Variants in TNNI3K observed in about 807,000 individuals in gnomAD.
TNNI3K encodes the protein TNNI3 interacting kinase, also known as serine/threonine-protein kinase TNNI3K.
Under a neutral mutation model 114.5 loss-of-function variants are expected in TNNI3K, and 140 were observed. The observed-to-expected ratio is 1.22, with a 90% CI of 1.07 to 1.41. The LOEUF (loss-of-function observed/expected upper bound fraction) is 1.41. TNNI3K is among the 40% of genes most tolerant of loss of function. The pLI is 0.00. For missense variants in TNNI3K, 1,125 were observed against 1,007.6 expected (o/e 1.12, Z -1.58); for synonymous variants, 347 against 347.5 (o/e 1.00, Z 0.02).
chr1:74,312,566 AATAAAC>A (rs1250312362), intron 5 of TNNI3K, among the ~76,000 whole-genome samples: 49 of 152,358 alleles, frequency 3.2e-4, no homozygotes, highest in African/African-American at 1.1e-3. Flanking sequence ...TTTTAATCAA[AATAAAC>A]ACAAAGCCGA....
chr1:74,423,808 T>G (rs1665506347), intron 17 of TNNI3K, among the ~76,000 whole-genome samples: 1 of 152,140 alleles, frequency 6.6e-6, no homozygotes. Context: ...ATATGTAAAA[T>G]TGCATAATAA....
intron 9 of TNNI3K, 39 bp from the exon 10 acceptor site, chr1:74,353,227 G>C (rs1212491439): frequency 2.5e-6 from 4 of 1,598,096 alleles, no homozygotes; most frequent in Non-Finnish European, 3.4e-6. Flanking sequence ...TCATAACAAG[G>C]ACCTTCTATC....
intron 21 of TNNI3K, among the ~76,000 whole-genome samples, chr1:74,464,287 T>G (rs918725868): frequency 6.6e-6 from 1 of 152,192 alleles, no homozygotes; most frequent in Non-Finnish European, 1.5e-5. Flanking sequence ...CAGTCCAGTG[T>G]CTAGTAATCC....
intron 7 of TNNI3K, among the ~76,000 whole-genome samples, chr1:74,338,491 C>T (rs1660592761): frequency 1.3e-5 from 2 of 151,748 alleles, no homozygotes; most frequent in Non-Finnish European, 2.9e-5. Flanking sequence ...TCAGGCATAT[C>T]CAACATTCTT....
At chr1:74,243,860 A>G (rs1338756189) in intron 2 of TNNI3K, among the ~76,000 whole-genome samples, 1 of 152,072 alleles carries the variant, frequency 6.6e-6, no homozygotes, top group African/African-American at 2.4e-5. Context: ...ACTCTTTAGG[A>G]TATGTTAAGT....
chr1:74,324,420 G>A (rs1659789454), intron 5 of TNNI3K, among the ~76,000 whole-genome samples: 1 of 152,186 alleles, frequency 6.6e-6, no homozygotes, highest in Non-Finnish European at 1.5e-5. Flanking sequence ...TTACAAATAT[G>A]CTGCCAATAT....
At chr1:74,256,795 A>G (rs961909761) in intron 4 of TNNI3K, among the ~76,000 whole-genome samples, 1 of 152,128 alleles carries the variant, frequency 6.6e-6, no homozygotes, top group African/African-American at 2.4e-5. Context: ...TTGCATCTAT[A>G]CATGATAAGA....
intron 17 of TNNI3K, among the ~76,000 whole-genome samples, chr1:74,402,954 T>C (rs1664444577): frequency 6.6e-6 from 1 of 152,206 alleles, no homozygotes; most frequent in African/African-American, 2.4e-5. Flanking sequence ...CAATGGAATT[T>C]TAACAACTCT....
rs116669742 is a variant in TNNI3K, at chr1:74,295,212, A to G, written c.444+23504A>G. Among the ~76,000 whole-genome samples, 198 of 152,126 alleles carry G rather than the reference A, an allele frequency of 1.3e-3. 6 individuals are homozygous for G. Among genetic ancestry groups the G allele is most frequent in the Non-Finnish European group, 1.4e-3 (92 of 67,962 alleles). Reference sequence around the variant, plus strand: ...CTTTGATTTGCAGTATAATTGCATTATGCTCAGAAATTATAGTTTGTATTA... The same window carrying G: ...CTTTGATTTGCAGTATAATTGCATTGTGCTCAGAAATTATAGTTTGTATTA... On this transcript the variant is annotated intron_variant, in intron 5 of 24. Coordinates refer to ENST00000326637, the MANE Select transcript of TNNI3K (RefSeq NM_015978.3).
chr1:74,377,285 T>A (rs1480313427), intron 17 of TNNI3K: 2 of 152,038 alleles, frequency 1.3e-5, no homozygotes, highest in Non-Finnish European at 2.9e-5. Flanking sequence ...TTCGTACATT[T>A]GTGTATCGAC....
intron 7 of TNNI3K, among the ~76,000 whole-genome samples, chr1:74,336,706 T>A (rs999854938): frequency 4.0e-5 from 6 of 151,466 alleles, no homozygotes; most frequent in African/African-American, 1.5e-4. Context: ...CTGCATAGTA[T>A]TCCATGGTGT....
chr1:74,488,936 C>T (rs185390245), intron 21 of TNNI3K, among the ~76,000 whole-genome samples: 17 of 152,286 alleles, frequency 1.1e-4, no homozygotes, highest in African/African-American at 3.8e-4. Context: ...CTAATTAAAG[C>T]TTTTCCACTA....
At chr1:74,416,452 A>T (rs1236134612) in intron 17 of TNNI3K, 3 of 963,806 alleles carry the variant, frequency 3.1e-6, no homozygotes, top group African/African-American at 1.8e-5. Context: ...GGTGCCTAGA[A>T]GTTATTGGAG....
intron 23 of TNNI3K, among the ~76,000 whole-genome samples, chr1:74,521,127 C>T (rs986879659): frequency 3.3e-5 from 5 of 152,152 alleles, no homozygotes; most frequent in African/African-American, 1.2e-4. Flanking sequence ...CTCTCCATCA[C>T]CACAGAAGTT....
chr1:74,243,165 G>T (rs1327455588), intron 2 of TNNI3K, among the ~76,000 whole-genome samples: 1 of 152,036 alleles, frequency 6.6e-6, no homozygotes, highest in Non-Finnish European at 1.5e-5. Context: ...TATCATATCT[G>T]TCACTCTAAC....
At chr1:74,293,403 T>A (rs1450106946) in intron 5 of TNNI3K, among the ~76,000 whole-genome samples, 3 of 151,794 alleles carry the variant, frequency 2.0e-5, no homozygotes, top group African/African-American at 7.2e-5. Flanking sequence ...AATGTAATAA[T>A]CTTCTTCTTT....
intron 20 of TNNI3K, among the ~76,000 whole-genome samples, chr1:74,454,503 A>G (rs1667152015): frequency 1.3e-5 from 2 of 152,178 alleles, no homozygotes; most frequent in African/African-American, 4.8e-5. Flanking sequence ...ATTTCACTTC[A>G]TATAATGGCT....
intron 22 of TNNI3K, among the ~76,000 whole-genome samples, chr1:74,491,105 AGAGAGAGATTTGAGT>A (rs1669050562): frequency 6.6e-6 from 1 of 152,228 alleles, no homozygotes; most frequent in South Asian, 2.1e-4. Flanking sequence ...ACATTTTAGA[AGAGAGAGATTTGAGT>A]GGTGAATAAG....
At chr1:74,472,210 C>T (rs1363214199) in intron 21 of TNNI3K, 2 of 716,000 alleles carry the variant, frequency 2.8e-6, no homozygotes, top group East Asian at 5.4e-5. Flanking sequence ...ATCTGTGGAA[C>T]AATAAATGCA....
Sources: allele counts gnomAD v4.1 joint callset (sites outside exome capture counted in the v4.1 genomes callset), GRCh38; gene constraint gnomAD v4.1.1; transcripts MANE v1.5; gene names NCBI Gene and HGNC (gene_info 2026-07-23, HGNC 2026-07-21).